The following HPSE2 variants were observed in gnomAD, a reference collection of about 807,000 sequenced individuals.
HPSE2 encodes the protein inactive heparanase-2.
A neutral mutation model predicts 60.5 loss-of-function variants in HPSE2; 38 were observed. That is an observed-to-expected ratio of 0.63 (90% CI 0.48 to 0.82). The LOEUF is 0.82. Ranked by LOEUF, HPSE2 falls within the 40% of genes least tolerant of loss-of-function variation. The pLI is 0.00. For missense variants in HPSE2, 713 were observed against 740.4 expected (o/e 0.96, Z 0.43); for synonymous variants, 295 against 293.2 (o/e 1.01, Z -0.06).
intron 3 of HPSE2, among the ~76,000 whole-genome samples, chr10:98,909,289 G>A (rs891158762): frequency 7.2e-5 from 11 of 151,812 alleles, no homozygotes; most frequent in Non-Finnish European, 1.2e-4. Flanking sequence ...TTTCCAAAAT[G>A]CCAATAAGGA....
At chr10:99,137,614 A>C (rs1321201708) in intron 3 of HPSE2, among the ~76,000 whole-genome samples, 1 of 152,154 alleles carries the variant, frequency 6.6e-6, no homozygotes, top group African/African-American at 2.4e-5. Context: ...TCTGATCTTT[A>C]ACAAACCTGA....
At chr10:98,861,281 A>G (rs1239998378) in intron 3 of HPSE2, among the ~76,000 whole-genome samples, 4 of 152,180 alleles carry the variant, frequency 2.6e-5, no homozygotes, top group African/African-American at 9.7e-5. Flanking sequence ...GAAGCCCCCA[A>G]CATTCATCTC....
intron 3 of HPSE2, among the ~76,000 whole-genome samples, chr10:99,137,145 C>T (rs1845689558): frequency 6.6e-6 from 1 of 152,096 alleles, no homozygotes; most frequent in African/African-American, 2.4e-5. Flanking sequence ...TTCACAATTG[C>T]TACTAAGAGA....
intron 4 of HPSE2, among the ~76,000 whole-genome samples, chr10:98,732,890 C>G (rs1231102669): frequency 6.6e-6 from 1 of 151,968 alleles, no homozygotes; most frequent in Non-Finnish European, 1.5e-5. Flanking sequence ...ATACGTGTAT[C>G]CAGAATATAT....
At chr10:98,878,237 A>C (rs961485659) in intron 3 of HPSE2, among the ~76,000 whole-genome samples, 1 of 152,006 alleles carries the variant, frequency 6.6e-6, no homozygotes, top group African/African-American at 2.4e-5. Context: ...TAGCCAATGT[A>C]CAGAATGCTA....
At chr10:98,820,627 A>G (rs1412492361) in intron 3 of HPSE2, among the ~76,000 whole-genome samples, 1 of 152,172 alleles carries the variant, frequency 6.6e-6, no homozygotes, top group Non-Finnish European at 1.5e-5. Context: ...AGGTACCCCA[A>G]TCATCAGCTC....
intron 6 of HPSE2, among the ~76,000 whole-genome samples, chr10:98,683,092 A>G (rs1947825953): frequency 6.6e-6 from 1 of 152,206 alleles, no homozygotes; most frequent in South Asian, 2.1e-4. Context: ...TAAATATCCC[A>G]AGAGAAAAGA....
chr10:98,538,254 C>T (rs1168456194), intron 9 of HPSE2, among the ~76,000 whole-genome samples: 2 of 152,158 alleles, frequency 1.3e-5, no homozygotes, highest in African/African-American at 2.4e-5. Flanking sequence ...TACAATCTTT[C>T]GTCTCCGCAC....
chr10:98,575,909 G>A lies in HPSE2; in HGVS notation c.1320+38995C>T, dbSNP rs184035388. Among the ~76,000 whole-genome samples, 232 of 152,234 alleles carry A rather than the reference G, an allele frequency of 1.5e-3. 3 individuals are homozygous for A. The highest frequency in any genetic ancestry group is 3.4e-3 in the Middle Eastern group (1 of 294). On this transcript the variant is annotated intron_variant, in intron 9 of 11. Transcript: ENST00000370552. The stretch of plus-strand genomic sequence containing the variant: ...CTGATAAAGACAAGAGGTTATATTA[G>A]TAAATAATTACCTTGTAGAATTTCA...
chr10:98,753,159 A>G (rs1949797626), intron 3 of HPSE2, among the ~76,000 whole-genome samples: 1 of 152,204 alleles, frequency 6.6e-6, no homozygotes, highest in African/African-American at 2.4e-5. Flanking sequence ...GGTAATGATG[A>G]TACATTGTAT....
intron 3 of HPSE2, among the ~76,000 whole-genome samples, chr10:99,135,770 A>C (rs536036605): frequency 2.0e-5 from 3 of 152,202 alleles, no homozygotes; most frequent in East Asian, 3.9e-4. Context: ...AATTAAAACA[A>C]TTTAAATTCT....
intron 3 of HPSE2, among the ~76,000 whole-genome samples, chr10:99,109,514 G>A (rs1289783998): frequency 3.3e-5 from 5 of 151,986 alleles, no homozygotes; most frequent in Admixed American, 3.3e-4. Context: ...AGCTGAAACT[G>A]GTCAACTCCG....
At chr10:99,025,088 C>T (rs1177897185) in intron 3 of HPSE2, among the ~76,000 whole-genome samples, 6 of 151,930 alleles carry the variant, frequency 3.9e-5, no homozygotes, top group Non-Finnish European at 8.8e-5. Context: ...AAACAATGAA[C>T]CAATAAAAAA....
intron 2 of HPSE2, among the ~76,000 whole-genome samples, chr10:99,179,274 A>G (rs1455020377): frequency 6.6e-6 from 1 of 152,248 alleles, no homozygotes; most frequent in Non-Finnish European, 1.5e-5. Context: ...CGCTAGGGCA[A>G]TCAGGCAAAA....
intron 9 of HPSE2, among the ~76,000 whole-genome samples, chr10:98,499,760 C>G (rs1941968904): frequency 6.6e-6 from 1 of 152,178 alleles, no homozygotes; most frequent in African/African-American, 2.4e-5. Context: ...CAACAACCAA[C>G]TATCTGCTGC....
intron 3 of HPSE2, among the ~76,000 whole-genome samples, chr10:99,110,895 T>C (rs1488928167): frequency 6.6e-6 from 1 of 152,226 alleles, no homozygotes; most frequent in Non-Finnish European, 1.5e-5. Context: ...CAGTTTATCA[T>C]TTTACACTTA....
At chr10:99,063,013 T>G (rs1409100048) in intron 3 of HPSE2, among the ~76,000 whole-genome samples, 5 of 152,192 alleles carry the variant, frequency 3.3e-5, no homozygotes, top group Non-Finnish European at 7.3e-5. Flanking sequence ...TGTCATGGTG[T>G]GCATTTCTAG....
intron 11 of HPSE2, among the ~76,000 whole-genome samples, chr10:98,471,983 G>A (rs7085377): frequency 0.42 from 63,362 of 151,738 alleles, 14,740 homozygotes; most frequent in African/African-American, 0.65. Flanking sequence ...TTGTTTTCAG[G>A]TATGTATATA....
intron 8 of HPSE2, among the ~76,000 whole-genome samples, chr10:98,617,082 T>A (rs1945932158): frequency 6.6e-6 from 1 of 152,220 alleles, no homozygotes; most frequent in South Asian, 2.1e-4. Flanking sequence ...TCCATCCCTA[T>A]GCTTGTCAAA....
Sources: gnomAD v4.1 joint callset for allele counts (sites outside exome capture counted in the v4.1 genomes callset) on GRCh38, gnomAD v4.1.1 for gene constraint, MANE v1.5 for transcripts, NCBI Gene and HGNC (gene_info 2026-07-23, HGNC 2026-07-21) for gene names.